The following CEP76 variants were observed in gnomAD, a reference collection of about 807,000 sequenced individuals.
CEP76 encodes the protein centrosomal protein 76.
In CEP76, 55 loss-of-function variants were observed where a neutral mutation model predicts 83.3. That is an observed-to-expected ratio of 0.66 (90% CI 0.53 to 0.83). CEP76 has a LOEUF of 0.83. CEP76 is among the 40% of genes least tolerant of loss of function. The pLI is 0.00. For missense variants in CEP76, 694 were observed against 799.5 expected (o/e 0.87, Z 1.59); for synonymous variants, 270 against 274.5 (o/e 0.98, Z 0.16).
At chr18:12,697,440 C>T (rs969229297) in intron 4 of CEP76, 32 bp from the exon 5 acceptor site, 2 of 1,441,144 alleles carry the variant, frequency 1.4e-6, no homozygotes, top group Admixed American at 3.7e-5. Flanking sequence ...AATTATACCA[C>T]ACTACATATT....
chr18:12,696,243 C>T (rs1354086430), intron 5 of CEP76, among the ~76,000 whole-genome samples: 1 of 152,108 alleles, frequency 6.6e-6, no homozygotes, highest in Non-Finnish European at 1.5e-5. Context: ...CGGTGACTCA[C>T]GCCAATATCC....
At chr18:12,692,604 A>G (rs1218590115) in intron 6 of CEP76, among the ~76,000 whole-genome samples, 4 of 152,154 alleles carry the variant, frequency 2.6e-5, no homozygotes, top group Admixed American at 6.6e-5. Context: ...TAGCCACCCA[A>G]TAACCACTGT....
At chr18:12,689,782 A>G (rs181849485) in intron 7 of CEP76, among the ~76,000 whole-genome samples, 211 of 150,888 alleles carry the variant, frequency 1.4e-3, no homozygotes, top group South Asian at 2.9e-3. Flanking sequence ...ATATATATGT[A>G]TATTTTTTGT....
intron 2 of CEP76, chr18:12,700,378 C>G (rs1790293194): frequency 6.6e-6 from 1 of 152,582 alleles, no homozygotes; most frequent in Admixed American, 6.5e-5. Context: ...TGAAGTCCAT[C>G]CAATTTTCAC....
chr18:12,665,268 G>GTA (rs2038780733), intron 12 of CEP76: 1 of 152,168 alleles, frequency 6.6e-6, no homozygotes, highest in South Asian at 2.1e-4. Flanking sequence ...TTGTAGAAGG[G>GTA]TATAGGTAAA....
At chr18:12,685,203 T>C (rs2145040817) in intron 8 of CEP76, 1 of 152,164 alleles carries the variant, frequency 6.6e-6, no homozygotes, top group African/African-American at 2.4e-5. Context: ...TTTCTCCACG[T>C]TGGTCAGACT....
At chr18:12,673,590 T>C in intron 11 of CEP76, 87 bp from the exon 12 acceptor site, 1 of 1,178,790 alleles carries the variant, frequency 8.5e-7, no homozygotes, top group Non-Finnish European at 1.2e-6. Context: ...TTTAAAATAA[T>C]TTTTTCAGGC....
At chr18:12,686,513 A>G (rs144339037) in intron 7 of CEP76, 63 bp from the exon 8 acceptor site, 4 of 1,184,052 alleles carry the variant, frequency 3.4e-6, no homozygotes, top group Non-Finnish European at 4.9e-6. Context: ...TGTTTTTTTC[A>G]AATACATTAA....
intron 10 of CEP76, among the ~76,000 whole-genome samples, chr18:12,677,353 GC>G (rs2039174851): frequency 6.7e-6 from 1 of 148,832 alleles, no homozygotes; most frequent in African/African-American, 2.5e-5. Context: ...CAGGAGAATT[GC>G]TTAAACCTGG....
intron 7 of CEP76, among the ~76,000 whole-genome samples, chr18:12,690,462 G>GTT (rs35616464): frequency 0.089 from 13,125 of 146,726 alleles, 790 homozygotes; most frequent in Non-Finnish European, 0.13. Context: ...ATTTTTTGTT[G>GTT]TTTTTTTTTT....
At position 12,699,057 on chromosome 18, in the gene CEP76, G is replaced by A. The variant is rs754183790; in HGVS notation, c.442C>T (p.Arg148Cys). The A allele has an allele frequency of 1.3e-5, 21 of 1,613,916 alleles. No homozygotes were observed. The highest frequency in any genetic ancestry group is 1.2e-4 in the Admixed American group (7 of 59,992). ...CAGGCACATGGAACAGGTTTAGAACGAAAACGTTGGTTTCGATAATGTAAA... is the reference window on the plus strand; with the variant it reads ...CAGGCACATGGAACAGGTTTAGAACAAAAACGTTGGTTTCGATAATGTAAA... ...LCLHYRNQRF[R>C]SKPVPCACEP... is the part of the protein sequence containing the mutation. The change falls in exon 4 of 12, where the codon CGT (arginine) becomes TGT (cysteine). Residue 148 changes from arginine to cysteine, a missense_variant. Physicochemically the swap from Arg to Cys is radical, Grantham distance 180 (BLOSUM62 -3). Transcript: ENST00000262127.
intron 6 of CEP76, chr18:12,692,315 C>CA (rs773752553): frequency 0.047 from 5,897 of 124,916 alleles, 163 homozygotes; most frequent in East Asian, 0.1. Flanking sequence ...GACTCTATCT[C>CA]AAAAAAAAAA....
At chr18:12,702,357 G>A in intron 1 of CEP76, 129 bp downstream of exon 1, 1 of 698,938 alleles carries the variant, frequency 1.4e-6, no homozygotes, top group Non-Finnish European at 2.5e-6. Flanking sequence ...TGCCTACTCT[G>A]CGTTGCGCAC....
At chr18:12,694,462 G>GA (rs763003697) in intron 6 of CEP76, among the ~76,000 whole-genome samples, 7 of 152,124 alleles carry the variant, frequency 4.6e-5, no homozygotes, top group African/African-American at 9.7e-5. Flanking sequence ...GTGAAGGAAT[G>GA]AAAAAATCTG....
chr18:12,696,214 C>T (rs952114239), intron 5 of CEP76, among the ~76,000 whole-genome samples: 1 of 152,062 alleles, frequency 6.6e-6, no homozygotes, highest in African/African-American at 2.4e-5. Context: ...TTATTAAAAT[C>T]TAAATTACTG....
intron 1 of CEP76, among the ~76,000 whole-genome samples, chr18:12,702,244 G>T (rs2040181701): frequency 1.3e-5 from 2 of 152,174 alleles, no homozygotes. Context: ...GTCCTAAAAC[G>T]CCAAGACCGC....
Position 12,686,412 on chromosome 18 carries a change from A to C in CEP76, c.972T>G (p.Val324=). The C allele has an allele frequency of 6.2e-7, 1 of 1,614,036 alleles. No homozygotes were observed. Among genetic ancestry groups the C allele is most frequent in the East Asian group, 2.2e-5 (1 of 44,874 alleles). Residue 324 remains valine, a synonymous_variant, in exon 8 of 12, where the codon GTT becomes GTG. Coordinates refer to ENST00000262127, the MANE Select transcript of CEP76 (RefSeq NM_024899.4). ...NGINRPVCSY[V]KPLRAGRLLD... Reference sequence around the variant, plus strand: ...GAAGCCGTCCAGCTCGAAGTGGTTTAACATAGGAACAGACTGGTCTATTTA... The same window carrying C: ...GAAGCCGTCCAGCTCGAAGTGGTTTCACATAGGAACAGACTGGTCTATTTA...
At chr18:12,702,415 CG>C in intron 1 of CEP76, 70 bp downstream of exon 1, 1 of 1,234,498 alleles carries the variant, frequency 8.1e-7, no homozygotes, top group Non-Finnish European at 1.2e-6. Flanking sequence ...GCTGTCGGCC[CG>C]GGGCCGCCGG....
At chr18:12,694,916 C>T (rs1598656654) in intron 6 of CEP76, among the ~76,000 whole-genome samples, 2 of 151,514 alleles carry the variant, frequency 1.3e-5, no homozygotes, top group African/African-American at 2.4e-5. Flanking sequence ...GGGGTTTCAC[C>T]GTGTTAGCCA....
Sources: allele counts gnomAD v4.1 joint callset (sites outside exome capture counted in the v4.1 genomes callset), GRCh38; gene constraint gnomAD v4.1.1; transcripts MANE v1.5; gene names NCBI Gene and HGNC (gene_info 2026-07-23, HGNC 2026-07-21).